Variants in HOPX observed in about 807,000 individuals in gnomAD.
The protein encoded by HOPX is homeodomain-only protein.
A neutral mutation model predicts 11.8 loss-of-function variants in HOPX; 5 were observed. The observed-to-expected ratio is 0.43, with a 90% CI of 0.22 to 0.89. The LOEUF is 0.89. HOPX is among the 40% of genes least tolerant of loss of function. HOPX has a pLI of 0.28. For synonymous variants in HOPX, 49 were observed against 49.7 expected, an observed-to-expected ratio of 0.99 and a Z score of 0.06; for missense variants, 119 against 120.0, an observed-to-expected ratio of 0.99 and a Z score of 0.04.
chr4:56,672,148 T>C (rs899822369), intron 1 of HOPX, among the ~76,000 whole-genome samples: 6 of 152,116 alleles, frequency 3.9e-5, no homozygotes, highest in Non-Finnish European at 7.3e-5. Context: ...TCATGACTAA[T>C]AAGATTTCTT....
intron 1 of HOPX, among the ~76,000 whole-genome samples, chr4:56,670,945 C>A (rs180824011): frequency 2.0e-5 from 3 of 149,946 alleles, no homozygotes; most frequent in African/African-American, 7.4e-5. Context: ...TGCAATGAGC[C>A]GAGATTGTGC....
upstream of HOPX, chr4:56,681,541 A>G: frequency 1.0e-6 from 1 of 999,908 alleles, no homozygotes; most frequent in East Asian, 1.1e-4. Context: ...CTCGTCCCTG[A>G]CCTCTCTCCT....
chr4:56,681,321 TA>T (rs1248999256), upstream of HOPX: 3 of 985,298 alleles, frequency 3.0e-6, no homozygotes, highest in African/African-American at 5.2e-5. Context: ...CCAGCCTGCT[TA>T]AATAGCTGGG....
intron 1 of HOPX, among the ~76,000 whole-genome samples, chr4:56,666,406 T>G (rs2109524212): frequency 6.6e-6 from 1 of 152,344 alleles, no homozygotes; most frequent in East Asian, 1.9e-4. Context: ...AGTCTCTCAG[T>G]AGTCCAGACT....
chr4:56,675,118 G>T (rs752566684), intron 1 of HOPX, among the ~76,000 whole-genome samples: 3 of 151,460 alleles, frequency 2.0e-5, no homozygotes, highest in Non-Finnish European at 4.4e-5. Flanking sequence ...TTGAATGCCC[G>T]ACATTTATAC....
intron 1 of HOPX, among the ~76,000 whole-genome samples, chr4:56,673,614 T>C (rs1008014003): frequency 6.6e-6 from 1 of 152,226 alleles, no homozygotes; most frequent in Non-Finnish European, 1.5e-5. Flanking sequence ...CTCCACGACA[T>C]CCTTCCATGC....
intron 1 of HOPX, chr4:56,680,399 C>T (rs1008027950): frequency 2.0e-5 from 3 of 152,274 alleles, no homozygotes; most frequent in Non-Finnish European, 4.4e-5. Flanking sequence ...CCCTTCTCCT[C>T]CCTTCCCACC....
intron 1 of HOPX, among the ~76,000 whole-genome samples, chr4:56,675,746 G>A (rs993881685): frequency 1.3e-5 from 2 of 151,706 alleles, no homozygotes; most frequent in African/African-American, 4.9e-5. Flanking sequence ...CCTGCACCAG[G>A]AGACATGAGC....
chr4:56,676,524 T>G (rs906070614), intron 1 of HOPX: 18 of 151,550 alleles, frequency 1.2e-4, no homozygotes, highest in African/African-American at 4.4e-4. Context: ...TGCAAACTTG[T>G]CATTTGTTTT....
chr4:56,657,835 A>G lies in HOPX; in HGVS notation c.-19T>C. ...TGAGCATAGGAAGACTAACTTTCTG[A>G]ATGTTGCCCAGCTGGTGACCTGTGC... On this transcript the variant is annotated 5_prime_UTR_variant, in exon 2 of 4. Coordinates refer to ENST00000420433, the MANE Select transcript of HOPX (RefSeq NM_032495.6). The G allele has an allele frequency of 6.5e-7, 1 of 1,539,022 alleles. No individual in the cohort carries two copies. The highest frequency in any genetic ancestry group is 8.8e-7 in the Non-Finnish European group (1 of 1,135,392).
chr4:56,653,217 T>C (rs1717375137), intron 3 of HOPX, among the ~76,000 whole-genome samples: 1 of 151,960 alleles, frequency 6.6e-6, no homozygotes, highest in African/African-American at 2.4e-5. Context: ...TTTTTACTTT[T>C]TTATTTTTTA....
upstream of HOPX, chr4:56,681,414 G>C: frequency 1.0e-5 from 10 of 985,912 alleles, no homozygotes; most frequent in Non-Finnish European, 1.2e-5. Context: ...AACCTGCAGC[G>C]TGGGCAGGAG....
intron 3 of HOPX, 110 bp from the exon 4 acceptor site, chr4:56,648,907 G>T (rs1394462386): frequency 3.8e-6 from 3 of 788,684 alleles, no homozygotes; most frequent in Non-Finnish European, 6.2e-6. Context: ...AGAGAATCAA[G>T]GAATGTTCCC....
chr4:56,667,329 T>A (rs1004926168), intron 1 of HOPX, among the ~76,000 whole-genome samples: 10 of 152,250 alleles, frequency 6.6e-5, no homozygotes, highest in Non-Finnish European at 1.0e-4. Flanking sequence ...TCAAAGAGAT[T>A]TGATAATTCA....
intron 3 of HOPX, among the ~76,000 whole-genome samples, chr4:56,653,826 T>C (rs976571620): frequency 6.6e-6 from 1 of 152,200 alleles, no homozygotes; most frequent in African/African-American, 2.4e-5. Context: ...CAGAAGAACC[T>C]GCTATGCAGA....
chr4:56,672,621 A>T (rs1051030941), intron 1 of HOPX: 4 of 151,798 alleles, frequency 2.6e-5, no homozygotes, highest in African/African-American at 9.7e-5. Context: ...TGGCTAAAAA[A>T]TTATTATTAT....
At chr4:56,671,560 C>T (rs1318369144) in intron 1 of HOPX, among the ~76,000 whole-genome samples, 1 of 152,100 alleles carries the variant, frequency 6.6e-6, no homozygotes, top group Non-Finnish European at 1.5e-5. Flanking sequence ...ACCACCCATG[C>T]TGCTTGTTGC....
intron 1 of HOPX, chr4:56,680,401 C>T (rs1324370361): frequency 1.3e-5 from 2 of 152,262 alleles, no homozygotes; most frequent in African/African-American, 4.8e-5. Context: ...CTTCTCCTCC[C>T]TTCCCACCTC....
chr4:56,657,831 T>A lies in HOPX; in HGVS notation c.-15A>T. Reference sequence around the variant, plus strand: ...AAAATGAGCATAGGAAGACTAACTTTCTGAATGTTGCCCAGCTGGTGACCT... The same window carrying A: ...AAAATGAGCATAGGAAGACTAACTTACTGAATGTTGCCCAGCTGGTGACCT... On this transcript the variant is annotated 5_prime_UTR_variant, in exon 2 of 4. Transcript: ENST00000420433. 6.5e-7 allele frequency: 1 copy of A among 1,534,052 alleles called. No homozygotes were observed. Among genetic ancestry groups the A allele is most frequent in the Non-Finnish European group, 8.8e-7 (1 of 1,130,826 alleles).
Sources: gnomAD v4.1 joint callset for allele counts (sites outside exome capture counted in the v4.1 genomes callset) on GRCh38, gnomAD v4.1.1 for gene constraint, MANE v1.5 for transcripts, NCBI Gene and HGNC (gene_info 2026-07-23, HGNC 2026-07-21) for gene names.